SDHC: variants seen among roughly 807,000 people sequenced by gnomAD.
SDHC encodes the protein succinate dehydrogenase complex subunit C.
SDHC carries 11 observed loss-of-function variants against 22.6 expected under a neutral mutation model. That is an observed-to-expected ratio of 0.49 (90% CI 0.31 to 0.81). The LOEUF (loss-of-function observed/expected upper bound fraction) is 0.81. SDHC is among the 30% of genes least tolerant of loss of function. The pLI, the probability that SDHC is intolerant of heterozygous loss-of-function variation, is 0.05. For synonymous variants in SDHC, 80 were observed against 77.8 expected (o/e 1.03, Z -0.15); for missense variants, 160 against 212.0 (o/e 0.75, Z 1.52).
Position 161,363,014 on chromosome 1 carries a change from C to A in SDHC, c.*581C>A. 4.0e-6 allele frequency: 1 copy of A among 248,526 alleles called. No homozygotes were observed. The highest frequency in any genetic ancestry group is 5.5e-5 in the East Asian group (1 of 18,024). 15.4% of individuals were successfully genotyped at this position (248,526 alleles called of 1,614,324 possible). ...GGCTAGTTAGTTCTTGGAGCAGCTGCTTTTGAGGAGAAAATATATAGCTTT... is the reference window on the plus strand; with the variant it reads ...GGCTAGTTAGTTCTTGGAGCAGCTGATTTTGAGGAGAAAATATATAGCTTT... On this transcript the variant is annotated 3_prime_UTR_variant, in exon 6 of 6. Transcript: ENST00000367975.
chr1:161,351,035 A>T (rs1479288370), intron 4 of SDHC, among the ~76,000 whole-genome samples: 3 of 152,210 alleles, frequency 2.0e-5, no homozygotes, highest in Non-Finnish European at 2.9e-5. Context: ...TTCAGTGTTT[A>T]TTCTCTAGAG....
At chr1:161,339,029 T>C (rs897275055) in intron 3 of SDHC, among the ~76,000 whole-genome samples, 4 of 152,040 alleles carry the variant, frequency 2.6e-5, no homozygotes, top group African/African-American at 9.7e-5. Context: ...TTTGTATTTT[T>C]AGTAGAGATG....
intron 3 of SDHC, among the ~76,000 whole-genome samples, chr1:161,334,715 G>GGGTGTAA (rs374634542): frequency 6.6e-6 from 1 of 151,820 alleles, no homozygotes; most frequent in South Asian, 2.1e-4. Context: ...CTGGGATTAC[G>GGGTGTAA]GCTCACTCCC....
intron 1 of SDHC, among the ~76,000 whole-genome samples, chr1:161,315,196 T>C (rs1037733687): frequency 6.6e-5 from 10 of 152,196 alleles, no homozygotes; most frequent in Non-Finnish European, 1.5e-4. Context: ...CCCAGCATAG[T>C]TTTGTGCCAG....
intron 5 of SDHC, among the ~76,000 whole-genome samples, chr1:161,358,510 GCCTGTGGTCCCAGCTAC>G (rs1440631119): frequency 6.6e-6 from 1 of 152,010 alleles, no homozygotes; most frequent in Non-Finnish European, 1.5e-5. Context: ...GGTGGTGTGC[GCCTGTGGTCCCAGCTAC>G]CCGTAAGGCT....
intron 1 of SDHC, among the ~76,000 whole-genome samples, chr1:161,321,264 C>T (rs370957693): frequency 8.5e-5 from 13 of 152,328 alleles, no homozygotes; most frequent in African/African-American, 3.1e-4. Flanking sequence ...GCAACAATAA[C>T]TAGAAATTGT....
At chr1:161,347,964 C>T (rs1262086733) in intron 4 of SDHC, among the ~76,000 whole-genome samples, 2 of 152,028 alleles carry the variant, frequency 1.3e-5, no homozygotes, top group Non-Finnish European at 2.9e-5. Flanking sequence ...TGCTGTAGAC[C>T]ATGAAAAGCC....
At chr1:161,318,920 G>A (rs1406878316) in intron 1 of SDHC, among the ~76,000 whole-genome samples, 1 of 151,638 alleles carries the variant, frequency 6.6e-6, no homozygotes, top group Non-Finnish European at 1.5e-5. Context: ...TGTGGGTGCT[G>A]GTAATCCCAG....
rs2102272025 is a variant in SDHC at position 161,314,441 on chromosome 1, C to A, written c.20+16C>A. The A allele has an allele frequency of 3.1e-6, 5 of 1,610,674 alleles. 1 individual carries two copies. Among genetic ancestry groups the A allele is most frequent in the South Asian group, 2.2e-5 (2 of 90,784 alleles). On this transcript the variant is annotated intron_variant, in intron 1 of 5. Transcript: ENST00000367975. Reference sequence around the variant, plus strand: ...TGTTGCTGAGGTGACTTCAGTGGGACTGGGAGTTGGTGCCTGCGGCCCTCC... The same window carrying A: ...TGTTGCTGAGGTGACTTCAGTGGGAATGGGAGTTGGTGCCTGCGGCCCTCC...
At chr1:161,327,550 A>G (rs936133822) in intron 2 of SDHC, among the ~76,000 whole-genome samples, 4 of 151,786 alleles carry the variant, frequency 2.6e-5, no homozygotes, top group Non-Finnish European at 5.9e-5. Context: ...TTTAAGATGG[A>G]GTTTATTTAT....
At chr1:161,335,725 C>T (rs921899700) in intron 3 of SDHC, among the ~76,000 whole-genome samples, 19 of 152,014 alleles carry the variant, frequency 1.2e-4, no homozygotes, top group Admixed American at 2.6e-4. Context: ...CTTCTAGGCC[C>T]GGTCTGTGGA....
intron 4 of SDHC, among the ~76,000 whole-genome samples, chr1:161,348,573 C>T (rs1671986172): frequency 6.7e-6 from 1 of 149,616 alleles, no homozygotes; most frequent in Non-Finnish European, 1.5e-5. Context: ...GTAATCCCAG[C>T]ACTTTGGGAG....
chr1:161,344,284 C>A lies in SDHC; in HGVS notation c.241+3629C>A, dbSNP rs183469406. The stretch of plus-strand genomic sequence containing the variant: ...CAGCCTGGGAGACAGAGCGAGACTC[C>A]GTCTCAAAAAATAAAATAAAATAAA... On this transcript the variant is annotated intron_variant, in intron 4 of 5. Coordinates refer to ENST00000367975, the MANE Select transcript of SDHC (RefSeq NM_003001.5). 2.6e-5 allele frequency among the ~76,000 whole-genome samples: 4 copies of A among 151,702 alleles called. No homozygotes were observed. The South Asian group carries it at 8.3e-4, about 32-fold the overall frequency.
At position 161,328,491 on chromosome 1, in the gene SDHC, T is replaced by C. The variant is rs999134407; in HGVS notation, c.173T>C (p.Ile58Thr). Reference sequence around the variant, plus strand: ...CGTCCTCTGTCTCCCCACATTACTATCTACAGGTAAGGAAGGATTCTGGAG... The same window carrying C: ...CGTCCTCTGTCTCCCCACATTACTACCTACAGGTAAGGAAGGATTCTGGAG... Reference protein sequence around the residue: ...SNRPLSPHITIYSWSLPMAMS... With the variant: ...SNRPLSPHITTYSWSLPMAMS... Residue 58 changes from isoleucine to threonine, a missense_variant, in exon 3 of 6, where the codon ATC (isoleucine) becomes ACC (threonine). Physicochemically the swap from Ile to Thr is moderately conservative, Grantham distance 89. Coordinates refer to ENST00000367975, the MANE Select transcript of SDHC (RefSeq NM_003001.5). The C allele has an allele frequency of 1.2e-6, 2 of 1,600,050 alleles. No homozygotes were observed. The highest frequency in any genetic ancestry group is 1.1e-5 in the South Asian group (1 of 90,800).
At chr1:161,350,841 A>C (rs945623570) in intron 4 of SDHC, among the ~76,000 whole-genome samples, 1 of 152,168 alleles carries the variant, frequency 6.6e-6, no homozygotes, top group Non-Finnish European at 1.5e-5. Flanking sequence ...GAGCACCACT[A>C]GTCTATATGG....
chr1:161,318,417 C>G (rs1339865439), intron 1 of SDHC, among the ~76,000 whole-genome samples: 1 of 152,160 alleles, frequency 6.6e-6, no homozygotes, highest in Non-Finnish European at 1.5e-5. Flanking sequence ...AGATGAACAA[C>G]CAGCTAAGTA....
Position 161,335,182 on chromosome 1 carries a change from G to A in SDHC, c.180-5412G>A, listed in dbSNP as rs554281764. Among the ~76,000 whole-genome samples the A allele has an allele frequency of 5.9e-5, 9 of 152,276 alleles. No individual in the cohort carries two copies. In the South Asian group the frequency reaches 1.0e-3, roughly 18 times the overall value. On this transcript the variant is annotated intron_variant, in intron 3 of 5. Coordinates refer to ENST00000367975, the MANE Select transcript of SDHC (RefSeq NM_003001.5). The stretch of plus-strand genomic sequence containing the variant: ...CATTTTTGGCAGGAATACCCCTGCG[G>A]TAATGCTATACTTCTGTCAGTACAT...
At chr1:161,318,171 CA>C (rs201470711) in intron 1 of SDHC, among the ~76,000 whole-genome samples, 17,699 of 141,632 alleles carry the variant, frequency 0.12, 1,384 homozygotes, top group African/African-American at 0.23. Context: ...GACTCCATCT[CA>C]AAAAAAAAAA....
intron 3 of SDHC, among the ~76,000 whole-genome samples, chr1:161,340,250 T>G (rs567328144): frequency 6.6e-6 from 1 of 151,918 alleles, no homozygotes; most frequent in South Asian, 2.1e-4. Context: ...GACTGTGGCA[T>G]GGGACTCCAG....
Sources: gnomAD v4.1 joint callset for allele counts (sites outside exome capture counted in the v4.1 genomes callset) on GRCh38, gnomAD v4.1.1 for gene constraint, MANE v1.5 for transcripts, NCBI Gene and HGNC (gene_info 2026-07-23, HGNC 2026-07-21) for gene names.